Variants in DMD observed in about 807,000 individuals in gnomAD.
The protein encoded by DMD is dystrophin.
A neutral mutation model predicts 330.1 loss-of-function variants in DMD; 63 were observed. The observed-to-expected ratio is 0.19, with a 90% CI of 0.16 to 0.24. The LOEUF (loss-of-function observed/expected upper bound fraction) is 0.24. Among genes scored for constraint, DMD ranks in the 10% least tolerant of loss-of-function variants. DMD has a pLI of 1.00. For synonymous variants in DMD, 1,223 were observed against 959.8 expected (o/e 1.27, Z -5.07); for missense variants, 3,344 against 2,684.1 (o/e 1.25, Z -5.43).
chrX:32,560,199 T>A (rs770621533), intron 16 of DMD, among the ~76,000 whole-genome samples: 21 of 106,551 alleles, frequency 2.0e-4, no homozygotes, highest in South Asian at 1.2e-3. Context: ...AAAAAAAATA[T>A]ATATATATAT....
chrX:32,583,202 T>C (rs766690247), intron 13 of DMD, among the ~76,000 whole-genome samples: 13 of 112,016 alleles, frequency 1.2e-4, no homozygotes, highest in Admixed American at 7.6e-4. Context: ...TTTTACAATA[T>C]TACCAGATAC....
Position 32,157,118 on chromosome X carries a change from A to G in DMD, c.6438+59798T>C, listed in dbSNP as rs530632866. On this transcript the variant is annotated intron_variant, in intron 44 of 78. Coordinates refer to ENST00000357033, the MANE Select transcript of DMD (RefSeq NM_004006.3). The stretch of plus-strand genomic sequence containing the variant: ...AAACAGCGTAATTAAGCACACACAA[A>G]ACAAAACAGGAAGTTAATACCTAAG... Among the ~76,000 whole-genome samples, 7 of 112,500 alleles carry G rather than the reference A, an allele frequency of 6.2e-5. No individual in the cohort carries two copies. The South Asian group carries it at 2.6e-3, about 41-fold the overall frequency.
Position 32,502,651 on chromosome X carries a change from G to A in DMD, c.2293-809C>T, listed in dbSNP as rs992411288. Reference sequence around the variant, plus strand: ...ACATAACTATTCAAATAACTATAACGCAATTAAAATATAGTAAGAACAACA... The same window carrying A: ...ACATAACTATTCAAATAACTATAACACAATTAAAATATAGTAAGAACAACA... On this transcript the variant is annotated intron_variant, in intron 18 of 78. Transcript: ENST00000357033. 1.2e-3 allele frequency among the ~76,000 whole-genome samples: 139 copies of A among 111,587 alleles called. 9 individuals are homozygous for A. The highest frequency in any genetic ancestry group is 2.1e-4 in the Non-Finnish European group (11 of 53,096).
chrX:32,668,816 G>A lies in DMD; in HGVS notation c.961-23664C>T, dbSNP rs188383995. Among the ~76,000 whole-genome samples, 8 of 110,006 alleles carry A rather than the reference G, an allele frequency of 7.3e-5. No individual in the cohort carries two copies. In the East Asian group the frequency reaches 2.3e-3, roughly 32 times the overall value. On this transcript the variant is annotated intron_variant, in intron 9 of 78. Coordinates refer to ENST00000357033, the MANE Select transcript of DMD (RefSeq NM_004006.3). ...AGACTACGGCATTGAAGAGAATTAA[G>A]TAGGAATCAATACTAATAATAATCA...
intron 17 of DMD, among the ~76,000 whole-genome samples, chrX:32,536,661 A>T (rs189456276): frequency 3.6e-5 from 4 of 112,224 alleles, no homozygotes; most frequent in African/African-American, 1.3e-4. Flanking sequence ...TTGACAAAGG[A>T]AGGAGTACAT....
At chrX:31,168,135 C>G (rs932003229) in intron 74 of DMD, among the ~76,000 whole-genome samples, 1 of 111,620 alleles carries the variant, frequency 9.0e-6, no homozygotes, top group African/African-American at 3.3e-5. Context: ...GGCTGAGACT[C>G]AAGCTTGAGC....
At chrX:32,419,041 A>C (rs970024439) in intron 29 of DMD, among the ~76,000 whole-genome samples, 1 of 108,447 alleles carries the variant, frequency 9.2e-6, no homozygotes, top group Non-Finnish European at 1.9e-5. Flanking sequence ...ACACTTGAAA[A>C]ATCTTTGAGA....
chrX:32,669,320 C>T (rs971340349), intron 9 of DMD, among the ~76,000 whole-genome samples: 10 of 111,551 alleles, frequency 9.0e-5, no homozygotes, highest in African/African-American at 3.3e-4. Flanking sequence ...CCTGCATCCT[C>T]CTCAATTCAT....
At chrX:32,691,476 A>G (rs924495966) in intron 9 of DMD, among the ~76,000 whole-genome samples, 1 of 111,847 alleles carries the variant, frequency 8.9e-6, no homozygotes, top group Non-Finnish European at 1.9e-5. Context: ...ATGAGCTATC[A>G]CATTTATACC....
At chrX:31,748,266 T>C (rs1028410502) in intron 51 of DMD, among the ~76,000 whole-genome samples, 1 of 112,049 alleles carries the variant, frequency 8.9e-6, no homozygotes, top group African/African-American at 3.2e-5. Context: ...CACAAAGGAA[T>C]GCTAATACAC....
At chrX:32,296,075 G>A (rs765194632) in intron 42 of DMD, among the ~76,000 whole-genome samples, 1 of 112,184 alleles carries the variant, frequency 8.9e-6, no homozygotes, top group East Asian at 2.8e-4. Context: ...CCCGAATACT[G>A]TGAAAAGTGC....
At chrX:32,391,346 A>G (rs1262434669) in intron 30 of DMD, among the ~76,000 whole-genome samples, 1 of 111,537 alleles carries the variant, frequency 9.0e-6, no homozygotes, top group Non-Finnish European at 1.9e-5. Flanking sequence ...TTAGAAGATA[A>G]CATCAGTTTT....
chrX:32,074,592 A>C, intron 44 of DMD, among the ~76,000 whole-genome samples: 1 of 111,288 alleles, frequency 9.0e-6, no homozygotes, highest in Non-Finnish European at 1.9e-5. Flanking sequence ...TCTGTGCGTA[A>C]AGTTTGCTAG....
At chrX:31,473,365 CAA>C (rs34932280) in intron 59 of DMD, among the ~76,000 whole-genome samples, 1 of 78,981 alleles carries the variant, frequency 1.3e-5, no homozygotes. Flanking sequence ...GAGACTGTCT[CAA>C]AAAAAAAAAA....
At chrX:33,120,269 T>C (rs1263229517) in intron 1 of DMD, among the ~76,000 whole-genome samples, 2 of 111,599 alleles carry the variant, frequency 1.8e-5, no homozygotes, top group Non-Finnish European at 3.8e-5. Context: ...CAATCAAAGG[T>C]GTGTCAATGA....
chrX:32,150,998 T>C (rs2096801122), intron 44 of DMD, among the ~76,000 whole-genome samples: 3 of 111,196 alleles, frequency 2.7e-5, no homozygotes, highest in African/African-American at 9.8e-5. Context: ...AGGGAGGGGA[T>C]AGGGAGAATA....
At chrX:32,485,618 A>T (rs2042353684) in intron 20 of DMD, among the ~76,000 whole-genome samples, 1 of 108,911 alleles carries the variant, frequency 9.2e-6, no homozygotes, top group Non-Finnish European at 1.9e-5. Flanking sequence ...CACACATATA[A>T]AATCTATATA....
chrX:32,792,994 C>A (rs2075931837), intron 7 of DMD, among the ~76,000 whole-genome samples: 2 of 112,172 alleles, frequency 1.8e-5, no homozygotes, highest in Non-Finnish European at 1.9e-5. Flanking sequence ...CTTCAACAGT[C>A]ATACACATTT....
intron 1 of DMD, among the ~76,000 whole-genome samples, chrX:33,033,492 C>G (rs943809177): frequency 3.8e-5 from 4 of 104,446 alleles, no homozygotes; most frequent in African/African-American, 1.4e-4. Flanking sequence ...GGGCGGATCA[C>G]AAGGTCAGGA....
Sources: allele counts gnomAD v4.1 joint callset (sites outside exome capture counted in the v4.1 genomes callset), GRCh38; gene constraint gnomAD v4.1.1; transcripts MANE v1.5; gene names NCBI Gene and HGNC (gene_info 2026-07-23, HGNC 2026-07-21).